The following EDIL3 variants were observed in gnomAD, a reference collection of about 807,000 sequenced individuals.
EDIL3 encodes the protein EGF-like repeat and discoidin I-like domain-containing protein 3.
A neutral mutation model predicts 67.4 loss-of-function variants in EDIL3; 37 were observed. The observed-to-expected ratio is 0.55, with a 90% CI of 0.42 to 0.72. The LOEUF (loss-of-function observed/expected upper bound fraction) is 0.72, where lower values mean the gene tolerates loss of function less well. Ranked by LOEUF, EDIL3 falls within the 30% of genes least tolerant of loss-of-function variation. EDIL3 has a pLI of 0.00. For missense variants in EDIL3, 527 were observed against 586.3 expected (o/e 0.90, Z 1.04); for synonymous variants, 195 against 196.3 (o/e 0.99, Z 0.05).
intron 1 of EDIL3, among the ~76,000 whole-genome samples, chr5:84,283,637 T>A (rs1422127697): frequency 1.3e-5 from 2 of 152,156 alleles, no homozygotes; most frequent in Non-Finnish European, 2.9e-5. Context: ...CTACTTATAA[T>A]TCACAAATCT....
In EDIL3 at chr5:83,943,352, G is replaced by T. The variant is rs955956626; in HGVS notation, c.*67C>A. 1.3e-5 allele frequency: 19 copies of T among 1,509,056 alleles called. No individual in the cohort carries two copies. Among genetic ancestry groups the T allele is most frequent in the African/African-American group, 2.8e-5 (2 of 71,524 alleles). 93.5% of individuals were successfully genotyped at this position (1,509,056 alleles called of 1,614,324 possible). A position where few individuals can be genotyped will look rare whatever the true frequency, so the allele number is the denominator to read the frequency against. On this transcript the variant is annotated 3_prime_UTR_variant, in exon 11 of 11. Transcript: ENST00000296591. ...AACCATTCAGTTTCCTACAGATTTT[G>T]CACAGTTCATTCCATGGAGATACTT...
rs752787761 is a variant in EDIL3 at position 83,956,926 on chromosome 5, C to T, written c.1293+6279G>A. Among the ~76,000 whole-genome samples, 8 of 151,396 alleles carry T rather than the reference C, an allele frequency of 5.3e-5. No homozygotes were observed. The East Asian group carries it at 5.9e-4, about 11-fold the overall frequency. On this transcript the variant is annotated intron_variant, in intron 10 of 10. Transcript: ENST00000296591. ...AAATAACAATGTTCTTATTTTTAGA[C>T]GATTTGAAATAATATAATGGTCTTC...
chr5:84,164,109 T>A (rs577244956), intron 4 of EDIL3, among the ~76,000 whole-genome samples: 8 of 152,124 alleles, frequency 5.3e-5, no homozygotes, highest in South Asian at 2.1e-4. Flanking sequence ...GAAAAAATAT[T>A]TTTTTTAATA....
chr5:84,092,613 T>C (rs1218506729), intron 6 of EDIL3, among the ~76,000 whole-genome samples: 1 of 152,184 alleles, frequency 6.6e-6, no homozygotes, highest in Non-Finnish European at 1.5e-5. Flanking sequence ...ACAAATTTCA[T>C]AAGCTATAAA....
intron 3 of EDIL3, among the ~76,000 whole-genome samples, chr5:84,213,182 T>C (rs1031851791): frequency 5.9e-5 from 5 of 84,284 alleles, no homozygotes; most frequent in Non-Finnish European, 1.3e-4. Flanking sequence ...TTGATCAGTA[T>C]TTTCAGTGGT....
In EDIL3 at chr5:84,356,889, CTTTTTT is replaced by C. The variant is rs1189590387; in HGVS notation, c.67+27413_67+27418del. On this transcript the variant is annotated intron_variant, in intron 1 of 10. Transcript: ENST00000296591. Reference sequence around the variant, plus strand: ...GACCTTGAGAAAACAATCTTTCTTTCTTTTTTTTTTTTTTTTTTTTTTTTTTGGTCT... The same window carrying C: ...GACCTTGAGAAAACAATCTTTCTTTCTTTTTTTTTTTTTTTTTTTTGGTCT... 6.5e-4 allele frequency among the ~76,000 whole-genome samples: 21 copies of C among 32,096 alleles called. No individual in the cohort carries two copies. In the South Asian group the frequency reaches 0.022, roughly 34 times the overall value. The allele number at this position is 32,096 out of a possible 152,430, so 21.1% of individuals were successfully genotyped here.
rs138728761 is a variant in EDIL3, at chr5:84,026,019, T to C, written c.1137+34281A>G. On this transcript the variant is annotated intron_variant, in intron 9 of 10. Coordinates refer to ENST00000296591, the MANE Select transcript of EDIL3 (RefSeq NM_005711.5). The stretch of plus-strand genomic sequence containing the variant: ...ATAAATTTGGTTTCATAAAAAAAAT[T>C]CTGTTACCTTGCTACTCAACGTGTG... Among the ~76,000 whole-genome samples, 322 of 152,260 alleles carry C rather than the reference T, an allele frequency of 2.1e-3. 1 individual carries two copies. The highest frequency in any genetic ancestry group is 7.6e-3 in the African/African-American group (314 of 41,568).
intron 9 of EDIL3, among the ~76,000 whole-genome samples, chr5:84,056,118 T>C (rs950130657): frequency 2.0e-5 from 3 of 152,054 alleles, no homozygotes; most frequent in Non-Finnish European, 2.9e-5. Flanking sequence ...ATACTAGGAA[T>C]ACACCATGGA....
chr5:84,182,757 C>T (rs1003620390), intron 3 of EDIL3, among the ~76,000 whole-genome samples: 3 of 151,902 alleles, frequency 2.0e-5, no homozygotes, highest in African/African-American at 7.2e-5. Flanking sequence ...CGGACCTTGA[C>T]TTCCCGATAG....
At chr5:84,338,711 T>C (rs1263293579) in intron 1 of EDIL3, among the ~76,000 whole-genome samples, 1 of 152,136 alleles carries the variant, frequency 6.6e-6, no homozygotes, top group Non-Finnish European at 1.5e-5. Flanking sequence ...TAGGAGGCAG[T>C]AAATAACTGA....
intron 9 of EDIL3, among the ~76,000 whole-genome samples, chr5:84,033,384 G>C (rs948227283): frequency 2.6e-5 from 4 of 151,980 alleles, no homozygotes; most frequent in Admixed American, 6.6e-5. Flanking sequence ...AATTGTTCTA[G>C]ACAATCTACA....
chr5:84,250,315 A>C lies in EDIL3; in HGVS notation c.196+3769T>G, dbSNP rs183493413. ...GTGTGATAGCTGTGTGTGGGGATAC[A>C]GAGAGGCAGAGAGAGAGAGAGAATG... On this transcript the variant is annotated intron_variant, in intron 2 of 10. Transcript: ENST00000296591. 2.4e-3 allele frequency among the ~76,000 whole-genome samples: 372 copies of C among 152,326 alleles called. 1 individual carries two copies. Among genetic ancestry groups the C allele is most frequent in the African/African-American group, 8.3e-3 (347 of 41,568 alleles).
intron 10 of EDIL3, among the ~76,000 whole-genome samples, chr5:83,945,712 A>G (rs1397264372): frequency 6.6e-6 from 1 of 151,940 alleles, no homozygotes; most frequent in African/African-American, 2.4e-5. Flanking sequence ...ACTGAAAACA[A>G]CTATGAAATT....
intron 3 of EDIL3, among the ~76,000 whole-genome samples, chr5:84,216,912 G>A (rs1744236837): frequency 6.6e-6 from 1 of 152,082 alleles, no homozygotes; most frequent in Admixed American, 6.6e-5. Flanking sequence ...TTTCACAGAG[G>A]AGGAAAAGTT....
chr5:84,129,763 T>C (rs1033432446), intron 5 of EDIL3, among the ~76,000 whole-genome samples: 1 of 152,172 alleles, frequency 6.6e-6, no homozygotes, highest in Non-Finnish European at 1.5e-5. Flanking sequence ...TCTATTCTGA[T>C]GTTTTAAAAA....
intron 3 of EDIL3, among the ~76,000 whole-genome samples, chr5:84,189,093 A>C (rs1743525624): frequency 6.6e-6 from 1 of 152,014 alleles, no homozygotes. Context: ...CGGCTGGCAA[A>C]GCACTCATAT....
chr5:84,151,923 CT>C (rs1053651713), intron 4 of EDIL3, among the ~76,000 whole-genome samples: 8 of 108,206 alleles, frequency 7.4e-5, no homozygotes, highest in African/African-American at 2.7e-4. Context: ...TTTTTTTTTT[CT>C]TTTTTTTGAG....
chr5:84,006,645 G>A (rs1221660963), intron 9 of EDIL3, among the ~76,000 whole-genome samples: 1 of 152,080 alleles, frequency 6.6e-6, no homozygotes, highest in Non-Finnish European at 1.5e-5. Context: ...CCTGGATGAT[G>A]AAATAATCTG....
At chr5:84,001,613 C>T (rs1745333134) in intron 9 of EDIL3, among the ~76,000 whole-genome samples, 2 of 152,060 alleles carry the variant, frequency 1.3e-5, no homozygotes, top group East Asian at 1.9e-4. Context: ...GAAGACATTA[C>T]AACTGCCACT....
Sources: gnomAD v4.1 joint callset for allele counts (sites outside exome capture counted in the v4.1 genomes callset) on GRCh38, gnomAD v4.1.1 for gene constraint, MANE v1.5 for transcripts, NCBI Gene and HGNC (gene_info 2026-07-23, HGNC 2026-07-21) for gene names.